MVB12B: variants seen among roughly 807,000 people sequenced by gnomAD.
MVB12B encodes ESCRT-I complex subunit MVB12B.
Under a neutral mutation model 41.6 loss-of-function variants are expected in MVB12B, and 16 were observed. The ratio of observed to expected loss-of-function variants is 0.38; its 90% CI spans 0.26 to 0.58. The LOEUF is 0.58. Among genes scored for constraint, MVB12B ranks in the 20% least tolerant of loss-of-function variants. The pLI, the probability that MVB12B is intolerant of heterozygous loss-of-function variation, is 0.62. For missense variants in MVB12B, 274 were observed against 380.2 expected (o/e 0.72, Z 2.32); for synonymous variants, 133 against 139.7 (o/e 0.95, Z 0.34).
chr9:126,406,392 G>A (rs1217820581), intron 6 of MVB12B, among the ~76,000 whole-genome samples: 1 of 152,252 alleles, frequency 6.6e-6, no homozygotes, highest in East Asian at 1.9e-4. Flanking sequence ...GAGGAGACAA[G>A]TGTTGCCTTT....
chr9:126,414,539 C>G (rs1278108990), intron 6 of MVB12B, among the ~76,000 whole-genome samples: 1 of 152,214 alleles, frequency 6.6e-6, no homozygotes, highest in African/African-American at 2.4e-5. Context: ...AAGTGGCAGA[C>G]ATGGTTGTCC....
intron 7 of MVB12B, among the ~76,000 whole-genome samples, chr9:126,453,245 G>A (rs1471239040): frequency 6.6e-6 from 1 of 150,952 alleles, no homozygotes; most frequent in Non-Finnish European, 1.5e-5. Flanking sequence ...CCACCTCCCC[G>A]TGAGCATCCC....
At chr9:126,343,080 G>A (rs1829492242) in intron 2 of MVB12B, among the ~76,000 whole-genome samples, 1 of 152,220 alleles carries the variant, frequency 6.6e-6, no homozygotes, top group Non-Finnish European at 1.5e-5. Context: ...ATTGCTGCTT[G>A]AGGTAAAAGG....
chr9:126,332,841 C>G (rs1007792904), intron 1 of MVB12B, among the ~76,000 whole-genome samples: 86 of 152,218 alleles, frequency 5.6e-4, no homozygotes, highest in African/African-American at 2.1e-3. Flanking sequence ...GAGCACCCAC[C>G]ATAAGCTGGG....
In MVB12B at chr9:126,491,537, A is replaced by G. The variant is rs568933799; in HGVS notation, c.873+7505A>G. On this transcript the variant is annotated intron_variant, in intron 9 of 9. Transcript: ENST00000361171. ...GAAATAAGGTGCCTTTTCTCTGCCT[A>G]TGAGATTCAATATTTCACCGCCCAG... Among the ~76,000 whole-genome samples, 65 of 152,296 alleles carry G rather than the reference A, an allele frequency of 4.3e-4. No individual in the cohort carries two copies. In the East Asian group the frequency reaches 9.5e-3, roughly 22 times the overall value.
At chr9:126,398,661 G>C (rs1831186150) in intron 6 of MVB12B, among the ~76,000 whole-genome samples, 1 of 152,188 alleles carries the variant, frequency 6.6e-6, no homozygotes, top group Non-Finnish European at 1.5e-5. Context: ...GTGACGCAGC[G>C]CCCTCTACTG....
At chr9:126,373,139 CT>C (rs1227933049) in intron 2 of MVB12B, among the ~76,000 whole-genome samples, 1 of 151,802 alleles carries the variant, frequency 6.6e-6, no homozygotes, top group African/African-American at 2.4e-5. Context: ...ATTTCTTTTG[CT>C]AAAAAAAAGA....
At chr9:126,378,595 GTCTC>G (rs550976810) in intron 2 of MVB12B, among the ~76,000 whole-genome samples, 7 of 151,318 alleles carry the variant, frequency 4.6e-5, no homozygotes, top group African/African-American at 1.7e-4. Flanking sequence ...GGTTAGGGGA[GTCTC>G]TCTCTCTCTC....
chr9:126,356,028 G>C (rs1385933986), intron 2 of MVB12B, among the ~76,000 whole-genome samples: 2 of 152,066 alleles, frequency 1.3e-5, no homozygotes, highest in Non-Finnish European at 2.9e-5. Context: ...CCATATAAAT[G>C]GAATCATATA....
intron 1 of MVB12B, among the ~76,000 whole-genome samples, chr9:126,334,424 A>G (rs893536818): frequency 2.6e-5 from 4 of 152,280 alleles, no homozygotes; most frequent in Non-Finnish European, 5.9e-5. Context: ...CCCATGTGAA[A>G]GTCAGAGAGG....
intron 2 of MVB12B, among the ~76,000 whole-genome samples, chr9:126,346,772 T>C (rs576263375): frequency 1.3e-5 from 2 of 151,864 alleles, no homozygotes; most frequent in Admixed American, 6.6e-5. Flanking sequence ...GAGAGGTAGG[T>C]GGAAAATTAA....
chr9:126,376,399 C>A lies in MVB12B; in HGVS notation c.205-4665C>A. The A allele has an allele frequency of 1.3e-6, 1 of 780,046 alleles. No homozygotes were observed. Among genetic ancestry groups the A allele is most frequent in the Non-Finnish European group, 1.9e-6 (1 of 525,280 alleles). 48.3% of individuals were successfully genotyped at this position (780,046 alleles called of 1,614,324 possible). A position where few individuals can be genotyped will look rare whatever the true frequency, so the allele number is the denominator to read the frequency against. On this transcript the variant is annotated intron_variant, in intron 2 of 9. Transcript: ENST00000361171. This position sits in a 1 kb window ranked among gnomAD's most constrained non-coding sequence, Gnocchi z 4.1. Reference sequence around the variant, plus strand: ...TTTGGGCCCTTCTGTCATGTCTGAGCCTGTCCCCAGTGCCTGGTGACCCTT... The same window carrying A: ...TTTGGGCCCTTCTGTCATGTCTGAGACTGTCCCCAGTGCCTGGTGACCCTT...
intron 6 of MVB12B, among the ~76,000 whole-genome samples, chr9:126,421,358 A>G (rs7024512): frequency 0.14 from 20,619 of 152,256 alleles, 1,784 homozygotes; most frequent in East Asian, 0.4. Flanking sequence ...TAGTCTCCTG[A>G]ACTCATATGG....
At chr9:126,410,888 CTT>C (rs770993852) in intron 6 of MVB12B, among the ~76,000 whole-genome samples, 27 of 133,746 alleles carry the variant, frequency 2.0e-4, no homozygotes, top group Admixed American at 3.1e-4. Context: ...TTGGTTATTT[CTT>C]TTTTTTTTTT....
At position 126,480,565 on chromosome 9, in the gene MVB12B, AG is replaced by A. The variant is rs1334531029; in HGVS notation, c.758-802del. 6.6e-6 allele frequency among the ~76,000 whole-genome samples: 1 copy of A among 152,214 alleles called. No homozygotes were observed. Among genetic ancestry groups the A allele is most frequent in the East Asian group, 1.9e-4 (1 of 5,192 alleles). Reference sequence around the variant, plus strand: ...GAGGGGTGGCCACAGAAAAGGAACCAGGCCCCTGGTTTCTCCATCGTTGCGT... The same window carrying A: ...GAGGGGTGGCCACAGAAAAGGAACCAGCCCCTGGTTTCTCCATCGTTGCGT... On this transcript the variant is annotated intron_variant, in intron 7 of 9. Transcript: ENST00000361171. This position sits in a 1 kb window ranked among gnomAD's most constrained non-coding sequence, Gnocchi z 4.9.
intron 5 of MVB12B, among the ~76,000 whole-genome samples, chr9:126,393,213 T>C (rs1831009383): frequency 1.3e-5 from 2 of 152,138 alleles, no homozygotes; most frequent in Admixed American, 1.3e-4. Context: ...AAAGGAATAA[T>C]TTATTGGCTG....
chr9:126,407,004 A>C (rs981014210), intron 6 of MVB12B, among the ~76,000 whole-genome samples: 1 of 152,206 alleles, frequency 6.6e-6, no homozygotes, highest in African/African-American at 2.4e-5. Flanking sequence ...TTAAGCATTC[A>C]TCCTGAAATG....
rs151034022 is a variant in MVB12B at position 126,493,860 on chromosome 9, T to C, written c.874-9317T>C. Among the ~76,000 whole-genome samples, 8 of 152,364 alleles carry C rather than the reference T, an allele frequency of 5.3e-5. No homozygotes were observed. The East Asian group carries it at 1.5e-3, about 29-fold the overall frequency. ...TCCCTCTGGCTTCTTTTACTGTTTC[T>C]GATGGCTTTCCAGCTGCATTTCATC... On this transcript the variant is annotated intron_variant, in intron 9 of 9. Coordinates refer to ENST00000361171, the MANE Select transcript of MVB12B (RefSeq NM_033446.3).
rs1830494935 is a variant in MVB12B, at chr9:126,376,882, C to T, written c.205-4182C>T. Among the ~76,000 whole-genome samples, 1 of 152,200 alleles carries T rather than the reference C, an allele frequency of 6.6e-6. No homozygotes were observed. The highest frequency in any genetic ancestry group is 1.5e-5 in the Non-Finnish European group (1 of 68,012). Reference sequence around the variant, plus strand: ...GTTTATGAACCTTGTTTCAGTCTACCCAATTCAGCCCTAAACTTGCACTTG... The same window carrying T: ...GTTTATGAACCTTGTTTCAGTCTACTCAATTCAGCCCTAAACTTGCACTTG... On this transcript the variant is annotated intron_variant, in intron 2 of 9. Coordinates refer to ENST00000361171, the MANE Select transcript of MVB12B (RefSeq NM_033446.3). The surrounding 1 kb of genome is among the most constrained non-coding windows in gnomAD (Gnocchi z 4.1).
Sources: allele counts gnomAD v4.1 joint callset (sites outside exome capture counted in the v4.1 genomes callset), GRCh38; gene constraint gnomAD v4.1.1; non-coding constraint Gnocchi (gnomAD v3.1); transcripts MANE v1.5; gene names NCBI Gene and HGNC (gene_info 2026-07-23, HGNC 2026-07-21).